The following CHST9 variants were observed in gnomAD, a reference collection of about 807,000 sequenced individuals.
CHST9 encodes GalNAc-4-sulfotransferase 2.
In CHST9, 41 loss-of-function variants were observed where a neutral mutation model predicts 44.4. The observed-to-expected ratio is 0.92, with a 90% CI of 0.72 to 1.20. CHST9 has a LOEUF of 1.20. Ranked by LOEUF, CHST9 falls within the 50% of genes most tolerant of loss-of-function variation. CHST9 has a pLI of 0.00. For synonymous variants in CHST9, 171 were observed against 178.4 expected (o/e 0.96, Z 0.33); for missense variants, 504 against 516.5 (o/e 0.98, Z 0.23).
chr18:26,973,243 G>A (rs921930411), intron 4 of CHST9, among the ~76,000 whole-genome samples: 11 of 152,116 alleles, frequency 7.2e-5, no homozygotes, highest in African/African-American at 2.7e-4. Flanking sequence ...CTGCTAGAAC[G>A]TAAGCTCCAT....
intron 2 of CHST9, among the ~76,000 whole-genome samples, chr18:27,091,464 C>T (rs964491739): frequency 2.0e-5 from 3 of 152,112 alleles, no homozygotes; most frequent in African/African-American, 7.2e-5. Context: ...TTGCCCTGGC[C>T]AGAATTTCCA....
chr18:27,168,113 C>T (rs144208735), intron 1 of CHST9, among the ~76,000 whole-genome samples: 2,492 of 144,142 alleles, frequency 0.017, 57 homozygotes, highest in African/African-American at 0.059. Flanking sequence ...CTTGCTCTGT[C>T]GCGCAGGCTG....
intron 5 of CHST9, among the ~76,000 whole-genome samples, chr18:26,937,293 T>C (rs1216852844): frequency 6.6e-6 from 1 of 152,198 alleles, no homozygotes; most frequent in Non-Finnish European, 1.5e-5. Flanking sequence ...CTGGAGTATA[T>C]GTATGCTCAT....
intron 2 of CHST9, among the ~76,000 whole-genome samples, chr18:27,122,474 A>G (rs2058382578): frequency 6.6e-6 from 1 of 152,246 alleles, no homozygotes; most frequent in African/African-American, 2.4e-5. Context: ...TACATGTAGA[A>G]CAACAACAAA....
In CHST9 at chr18:26,912,162, G is replaced by C. The variant is rs959276120; in HGVS notation, c.*4097C>G. 8 of 152,168 alleles carry C rather than the reference G, an allele frequency of 5.3e-5. No homozygotes were observed. The highest frequency in any genetic ancestry group is 1.9e-4 in the African/African-American group (8 of 41,520). 9.4% of individuals were successfully genotyped at this position (152,168 alleles called of 1,614,324 possible). ...GTCTTGTAGCTGTCTGGAATTTCTT[G>C]TCAAAGAAATGATATTTTGTTTTCA... On this transcript the variant is annotated 3_prime_UTR_variant, in exon 6 of 6. Coordinates refer to ENST00000618847, the MANE Select transcript of CHST9 (RefSeq NM_031422.6).
intron 2 of CHST9, among the ~76,000 whole-genome samples, chr18:27,119,797 T>TA (rs764120225): frequency 3.3e-5 from 5 of 152,278 alleles, no homozygotes; most frequent in Non-Finnish European, 7.4e-5. Flanking sequence ...GATGTTTTCT[T>TA]AAAAGAGTCT....
At chr18:27,014,628 A>C (rs757712228) in intron 4 of CHST9, among the ~76,000 whole-genome samples, 38 of 152,106 alleles carry the variant, frequency 2.5e-4, no homozygotes, top group Non-Finnish European at 4.6e-4. Context: ...GGATTTTGAA[A>C]GCAGCGAATC....
chr18:27,078,664 C>T lies in CHST9; in HGVS notation c.122-30161G>A, dbSNP rs538614738. On this transcript the variant is annotated intron_variant, in intron 2 of 5. Transcript: ENST00000618847. ...GGGACTCAAGCTGTCCAGATGGCCC[C>T]AGAGCAGAGTCTTCTTGCACTACAT... 5.3e-5 allele frequency among the ~76,000 whole-genome samples: 8 copies of T among 152,262 alleles called. No homozygotes were observed. In the South Asian group the frequency reaches 1.7e-3, roughly 32 times the overall value.
intron 4 of CHST9, among the ~76,000 whole-genome samples, chr18:26,959,016 T>G (rs2056365175): frequency 1.3e-5 from 2 of 152,194 alleles, no homozygotes; most frequent in African/African-American, 4.8e-5. Flanking sequence ...ACATATGCAC[T>G]CATATGTTCA....
chr18:27,182,576 A>T (rs2058921094), intron 1 of CHST9, among the ~76,000 whole-genome samples: 1 of 152,208 alleles, frequency 6.6e-6, no homozygotes, highest in Non-Finnish European at 1.5e-5. Flanking sequence ...GGAACAAAGG[A>T]TGTATTATGT....
intron 2 of CHST9, among the ~76,000 whole-genome samples, chr18:27,111,069 G>C (rs937956385): frequency 2.0e-5 from 3 of 152,214 alleles, no homozygotes; most frequent in Non-Finnish European, 4.4e-5. Flanking sequence ...GAAATGAGTT[G>C]CTGAAGTCAT....
chr18:26,973,604 C>T (rs1313102475), intron 4 of CHST9, among the ~76,000 whole-genome samples: 7 of 152,174 alleles, frequency 4.6e-5, no homozygotes, highest in Admixed American at 6.5e-5. Context: ...TTTTTAAAAG[C>T]GTATCTGCTA....
At chr18:27,063,447 A>G (rs181036810) in intron 2 of CHST9, among the ~76,000 whole-genome samples, 1 of 152,336 alleles carries the variant, frequency 6.6e-6, no homozygotes, top group Admixed American at 6.5e-5. Flanking sequence ...TTTATAAATG[A>G]TCATCATCAA....
intron 4 of CHST9, among the ~76,000 whole-genome samples, chr18:26,951,683 T>A (rs1438434333): frequency 6.6e-6 from 1 of 152,192 alleles, no homozygotes; most frequent in African/African-American, 2.4e-5. Flanking sequence ...TAAATCAACA[T>A]AAATCTTTTG....
intron 1 of CHST9, among the ~76,000 whole-genome samples, chr18:27,156,080 C>T (rs537927404): frequency 6.6e-6 from 1 of 151,024 alleles, no homozygotes; most frequent in Admixed American, 6.6e-5. Flanking sequence ...TGAAAACAAA[C>T]TTTTAATATA....
chr18:27,169,088 A>C (rs2058813864), intron 1 of CHST9, among the ~76,000 whole-genome samples: 1 of 152,224 alleles, frequency 6.6e-6, no homozygotes, highest in South Asian at 2.1e-4. Flanking sequence ...TCTGAGTTTC[A>C]GATGAGAATA....
intron 2 of CHST9, among the ~76,000 whole-genome samples, chr18:27,102,118 AGT>A (rs539272758): frequency 7.1e-4 from 108 of 152,314 alleles, no homozygotes; most frequent in African/African-American, 2.5e-3. Context: ...AGTTGAGGTC[AGT>A]GTTTTCCAAA....
intron 1 of CHST9, among the ~76,000 whole-genome samples, chr18:27,149,883 CAA>C (rs1379968884): frequency 2.0e-5 from 3 of 151,890 alleles, no homozygotes; most frequent in Non-Finnish European, 2.9e-5. Context: ...TTCACTTGTT[CAA>C]GTTTCATTTT....
intron 2 of CHST9, among the ~76,000 whole-genome samples, chr18:27,112,332 ATAAT>A (rs921299037): frequency 6.6e-6 from 1 of 151,396 alleles, no homozygotes; most frequent in Non-Finnish European, 1.5e-5. Context: ...CTGCATATAC[ATAAT>A]TAAATATCTT....
Sources: allele counts gnomAD v4.1 joint callset (sites outside exome capture counted in the v4.1 genomes callset), GRCh38; gene constraint gnomAD v4.1.1; transcripts MANE v1.5; gene names NCBI Gene and HGNC (gene_info 2026-07-23, HGNC 2026-07-21).